Variants in B3GLCT observed in about 807,000 individuals in gnomAD.
B3GLCT encodes beta 3-glucosyltransferase, also known as beta-1,3-glucosyltransferase.
Under a neutral mutation model 63.4 loss-of-function variants are expected in B3GLCT, and 65 were observed. The observed-to-expected ratio is 1.03, with a 90% CI of 0.84 to 1.26. The LOEUF (loss-of-function observed/expected upper bound fraction) is 1.26. B3GLCT is among the 50% of genes most tolerant of loss of function. The probability of loss-of-function intolerance (pLI) is 0.00; values close to 1 mark genes in which losing one functional copy is unlikely to be tolerated. For missense variants in B3GLCT, 577 were observed against 604.8 expected (o/e 0.95, Z 0.48); for synonymous variants, 233 against 219.2 (o/e 1.06, Z -0.55).
chr13:31,275,381 CT>C (rs1245050959), intron 9 of B3GLCT, among the ~76,000 whole-genome samples: 4 of 152,206 alleles, frequency 2.6e-5, no homozygotes, highest in African/African-American at 9.6e-5. Context: ...TTGTGAGGGA[CT>C]GCCCACCATA....
At position 31,284,766 on chromosome 13, in the gene B3GLCT, G is replaced by A; in HGVS notation, c.964+5G>A. 4.3e-6 allele frequency: 6 copies of A among 1,405,082 alleles called. No homozygotes were observed. Among genetic ancestry groups the A allele is most frequent in the Non-Finnish European group, 6.1e-6 (6 of 989,586 alleles). 87.0% of individuals were successfully genotyped at this position (1,405,082 alleles called of 1,614,324 possible). ...GAATTCCTAATACAGATAGAGGTGA[G>A]TCATAATTCTTACTACTCTCCTTAT... is the stretch of plus-strand genomic sequence containing the variant. On this transcript the variant is annotated splice_donor_5th_base_variant and intron_variant, in intron 11 of 14. Coordinates refer to ENST00000343307, the MANE Select transcript of B3GLCT (RefSeq NM_194318.4).
At chr13:31,200,279 G>T (rs1336222712) in intron 1 of B3GLCT, 125 bp downstream of exon 1, 4 of 385,214 alleles carry the variant, frequency 1.0e-5, no homozygotes, top group Non-Finnish European at 1.4e-5. Context: ...CGGCGCGCGC[G>T]TCCCGCCGTC....
At chr13:31,276,057 C>T (rs899737325) in intron 9 of B3GLCT, among the ~76,000 whole-genome samples, 1 of 152,152 alleles carries the variant, frequency 6.6e-6, no homozygotes, top group Non-Finnish European at 1.5e-5. Context: ...TTGGGTGTGT[C>T]TTGTTGACAA....
intron 12 of B3GLCT, among the ~76,000 whole-genome samples, chr13:31,290,213 G>A (rs559988053): frequency 6.6e-6 from 1 of 152,270 alleles, no homozygotes; most frequent in East Asian, 1.9e-4. Flanking sequence ...TTTTATGGCT[G>A]CATAGTATTC....
intron 8 of B3GLCT, among the ~76,000 whole-genome samples, chr13:31,274,014 T>G (rs536568872): frequency 7.2e-5 from 11 of 152,332 alleles, no homozygotes; most frequent in Non-Finnish European, 1.6e-4. Context: ...AAAACTACCC[T>G]TGGTGCCTTT....
chr13:31,218,877 C>T (rs749901622), intron 2 of B3GLCT, among the ~76,000 whole-genome samples: 1 of 149,564 alleles, frequency 6.7e-6, no homozygotes, highest in Non-Finnish European at 1.5e-5. Context: ...CCTTTGATGC[C>T]TAATTTGTTG....
At chr13:31,276,640 G>T in intron 9 of B3GLCT, 62 bp from the exon 10 acceptor site, 1 of 999,578 alleles carries the variant, frequency 1.0e-6, no homozygotes, top group Non-Finnish European at 1.6e-6. Context: ...GTGAGATCTA[G>T]TGTGGGTGTG....
chr13:31,202,241 T>C (rs1868710275), intron 1 of B3GLCT, among the ~76,000 whole-genome samples: 1 of 152,222 alleles, frequency 6.6e-6, no homozygotes, highest in Non-Finnish European at 1.5e-5. Flanking sequence ...GAAAAGTCAA[T>C]ATAGAAAATT....
At chr13:31,241,781 C>T (rs972263383) in intron 4 of B3GLCT, among the ~76,000 whole-genome samples, 2 of 152,142 alleles carry the variant, frequency 1.3e-5, no homozygotes, top group East Asian at 1.9e-4. Flanking sequence ...GGCAATACAT[C>T]GTGGGTGTCA....
At chr13:31,232,209 A>C (rs975881143) in intron 4 of B3GLCT, among the ~76,000 whole-genome samples, 1 of 152,236 alleles carries the variant, frequency 6.6e-6, no homozygotes, top group African/African-American at 2.4e-5. Flanking sequence ...ATATGGTTCT[A>C]GGATCACTTG....
intron 1 of B3GLCT, among the ~76,000 whole-genome samples, chr13:31,208,039 A>G (rs1046143301): frequency 6.6e-6 from 1 of 152,152 alleles, no homozygotes; most frequent in Admixed American, 6.5e-5. Flanking sequence ...TTAACTATTA[A>G]GTGGCAGCGC....
intron 12 of B3GLCT, among the ~76,000 whole-genome samples, chr13:31,300,171 G>A (rs918667541): frequency 3.0e-4 from 45 of 152,060 alleles, no homozygotes; most frequent in African/African-American, 1.1e-3. Flanking sequence ...GAATCCAGTG[G>A]CTCCTCACAT....
chr13:31,238,251 CA>C (rs1870752439), intron 4 of B3GLCT, among the ~76,000 whole-genome samples: 1 of 152,224 alleles, frequency 6.6e-6, no homozygotes, highest in Admixed American at 6.5e-5. Context: ...CATTTTTCAT[CA>C]TTACAGCATG....
intron 3 of B3GLCT, among the ~76,000 whole-genome samples, chr13:31,226,451 G>C (rs1397969591): frequency 6.6e-6 from 1 of 152,212 alleles, no homozygotes; most frequent in Non-Finnish European, 1.5e-5. Flanking sequence ...GGTATGGGAA[G>C]AATTTGCTCT....
At chr13:31,261,939 A>G (rs764950347) in intron 7 of B3GLCT, among the ~76,000 whole-genome samples, 1 of 152,342 alleles carries the variant, frequency 6.6e-6, no homozygotes, top group African/African-American at 2.4e-5. Context: ...CCAAACAACA[A>G]CAACAAAACC....
At chr13:31,272,227 T>TTG (rs1415675285) in intron 8 of B3GLCT, among the ~76,000 whole-genome samples, 1 of 150,782 alleles carries the variant, frequency 6.6e-6, no homozygotes, top group South Asian at 2.1e-4. Context: ...CCTTTTTTTT[T>TTG]TTTTTTGAGA....
chr13:31,283,840 G>A (rs1271124976), intron 10 of B3GLCT, among the ~76,000 whole-genome samples: 2 of 152,046 alleles, frequency 1.3e-5, no homozygotes, highest in African/African-American at 4.8e-5. Context: ...GTTTTGACAG[G>A]ATATAAAATC....
chr13:31,273,805 G>A (rs1566075204), intron 8 of B3GLCT, among the ~76,000 whole-genome samples: 2 of 152,190 alleles, frequency 1.3e-5, no homozygotes, highest in Non-Finnish European at 2.9e-5. Flanking sequence ...GCACAAATTA[G>A]GGAGGCCTGG....
At chr13:31,294,034 T>C (rs913692943) in intron 12 of B3GLCT, among the ~76,000 whole-genome samples, 4 of 152,238 alleles carry the variant, frequency 2.6e-5, no homozygotes, top group Non-Finnish European at 4.4e-5. Flanking sequence ...TTTGCTTGTT[T>C]GTAAAGGATT....
Sources: allele counts gnomAD v4.1 joint callset (sites outside exome capture counted in the v4.1 genomes callset), GRCh38; gene constraint gnomAD v4.1.1; transcripts MANE v1.5; gene names NCBI Gene and HGNC (gene_info 2026-07-23, HGNC 2026-07-21).